CD96: variants seen among roughly 807,000 people sequenced by gnomAD.
CD96 encodes the protein T-cell surface protein tactile.
Under a neutral mutation model 71.3 loss-of-function variants are expected in CD96, and 70 were observed. The observed-to-expected ratio is 0.98, with a 90% CI of 0.81 to 1.20. CD96 has a LOEUF of 1.20. Ranked by LOEUF, CD96 falls within the 50% of genes most tolerant of loss-of-function variation. CD96 has a pLI of 0.00. For missense variants in CD96, 742 were observed against 677.5 expected (o/e 1.10, Z -1.06); for synonymous variants, 248 against 233.0 (o/e 1.06, Z -0.59).
intron 7 of CD96, among the ~76,000 whole-genome samples, chr3:111,604,318 A>G (rs1156731080): frequency 6.6e-6 from 1 of 152,158 alleles, no homozygotes; most frequent in African/African-American, 2.4e-5. Context: ...CTCTTATGAC[A>G]TTATGGTAAA....
chr3:111,545,383 C>A lies in CD96; in HGVS notation c.399C>A (p.Asn133Lys), dbSNP rs2107459774. 2 of 1,601,954 alleles carry A rather than the reference C, an allele frequency of 1.2e-6. No individual in the cohort carries two copies. The highest frequency in any genetic ancestry group is 1.7e-5 in the Admixed American group (1 of 60,008). The change falls in exon 2 of 14, where the codon AAC (asparagine) becomes AAA (lysine). Residue 133 changes from asparagine to lysine, a missense_variant. Physicochemically the swap from Asn to Lys is moderately conservative, Grantham distance 94. Transcript: ENST00000352690. ...AGGGCATTCAGACTAAAATCTACAA[C>A]CTTCTCATTCAGACACACGGTAAGC... Reference protein sequence around the residue: ...YPEGIQTKIYNLLIQTHVTAD... With the variant: ...YPEGIQTKIYKLLIQTHVTAD...
At chr3:111,579,646 A>G (rs758021763) in intron 4 of CD96, among the ~76,000 whole-genome samples, 1 of 152,142 alleles carries the variant, frequency 6.6e-6, no homozygotes. Flanking sequence ...ACGGTATCAC[A>G]TGGCGAGGGG....
downstream of CD96, among the ~76,000 whole-genome samples, chr3:111,654,623 A>G (rs1301354861): frequency 6.6e-6 from 1 of 152,142 alleles, no homozygotes; most frequent in Non-Finnish European, 1.5e-5. Flanking sequence ...TGGCATTGTG[A>G]TTGTGGGGAG....
intron 6 of CD96, 68 bp from the exon 7 acceptor site, chr3:111,600,658 C>A: frequency 2.6e-6 from 3 of 1,162,668 alleles, no homozygotes; most frequent in Non-Finnish European, 3.9e-6. Flanking sequence ...TCATGCCATG[C>A]CTTGGCATTA....
At chr3:111,609,744 C>T (rs1012864719) in intron 8 of CD96, among the ~76,000 whole-genome samples, 1 of 152,170 alleles carries the variant, frequency 6.6e-6, no homozygotes, top group East Asian at 1.9e-4. Flanking sequence ...CACACTAAGA[C>T]GATGTAGTTG....
chr3:111,558,910 G>T lies in CD96; in HGVS notation c.419-8613G>T, dbSNP rs1024141520. Among the ~76,000 whole-genome samples, 31 of 152,046 alleles carry T rather than the reference G, an allele frequency of 2.0e-4. No homozygotes were observed. In the South Asian group the frequency reaches 5.6e-3, roughly 28 times the overall value. On this transcript the variant is annotated intron_variant, in intron 2 of 13. Coordinates refer to ENST00000352690, the MANE Select transcript of CD96 (RefSeq NM_005816.5). ...TCCTGTTATTGGTCTATTCAGAGAT[G>T]CAACTTCTTCCTGGTTTAGTCTTGG...
chr3:111,657,780 G>T (rs530267051), intron 14 of CD96, among the ~76,000 whole-genome samples: 5 of 151,730 alleles, frequency 3.3e-5, no homozygotes, highest in African/African-American at 1.2e-4. Context: ...CAATATGTGT[G>T]TGTATATGTG....
intron 3 of CD96, 36 bp downstream of exon 3, chr3:111,567,683 G>A: frequency 2.5e-6 from 4 of 1,579,812 alleles, no homozygotes; most frequent in Non-Finnish European, 3.5e-6. Flanking sequence ...AACCTCAATG[G>A]TCTTTAAACA....
At position 111,579,073 on chromosome 3, in the gene CD96, T is replaced by A; in HGVS notation, c.590T>A (p.Ile197Asn). ...ACACTTATCTCCCAAAATCACCTCA[T>A]CAGCAATTCCACATTACTTAAAGAT... ...QETLISQNHL[I>N]SNSTLLKDRV... Residue 197 changes from isoleucine to asparagine, a missense_variant, in exon 4 of 14, where the codon ATC (isoleucine) becomes AAC (asparagine). Ile to Asn is a moderately radical substitution (Grantham distance 149, BLOSUM62 -3). Transcript: ENST00000352690. 6.2e-7 allele frequency: 1 copy of A among 1,610,390 alleles called. No homozygotes were observed. The highest frequency in any genetic ancestry group is 8.5e-7 in the Non-Finnish European group (1 of 1,176,542).
chr3:111,550,389 G>A (rs2173318), intron 2 of CD96, among the ~76,000 whole-genome samples: 59,029 of 151,800 alleles, frequency 0.39, 13,583 homozygotes, highest in Middle Eastern at 0.53. Flanking sequence ...TCAAATGCGG[G>A]ATTCTGTTGA....
At chr3:111,648,044 C>T (rs1476404463) in intron 13 of CD96, among the ~76,000 whole-genome samples, 3 of 152,224 alleles carry the variant, frequency 2.0e-5, no homozygotes, top group Admixed American at 6.5e-5. Flanking sequence ...CATAGATGCT[C>T]AAGTGTGAAA....
At chr3:111,656,163 T>TA (rs1940224973), downstream of CD96, among the ~76,000 whole-genome samples, 1 of 151,904 alleles carries the variant, frequency 6.6e-6, no homozygotes, top group Non-Finnish European at 1.5e-5. Flanking sequence ...ATATTGAGGA[T>TA]AAAAAACTGA....
intron 5 of CD96, among the ~76,000 whole-genome samples, chr3:111,585,813 GC>G: frequency 6.6e-6 from 1 of 152,104 alleles, no homozygotes; most frequent in East Asian, 1.9e-4. Context: ...GAGGAGATAT[GC>G]CCTCCTGTAC....
At chr3:111,627,706 GA>G (rs1938845016) in intron 10 of CD96, among the ~76,000 whole-genome samples, 1 of 152,162 alleles carries the variant, frequency 6.6e-6, no homozygotes, top group South Asian at 2.1e-4. Context: ...GACTGGGTGA[GA>G]TCTTCCAACT....
intron 2 of CD96, among the ~76,000 whole-genome samples, chr3:111,552,827 G>A (rs984464218): frequency 1.3e-5 from 2 of 152,040 alleles, no homozygotes; most frequent in South Asian, 2.1e-4. Context: ...ATGGTTTTAG[G>A]TGATTCATGA....
chr3:111,648,391 A>G (rs1056286590), intron 13 of CD96, among the ~76,000 whole-genome samples: 5 of 152,210 alleles, frequency 3.3e-5, no homozygotes, highest in African/African-American at 9.7e-5. Context: ...TACCTTTTGC[A>G]GAGTATCCTT....
chr3:111,561,787 G>A (rs1222081244), intron 2 of CD96, among the ~76,000 whole-genome samples: 3 of 150,380 alleles, frequency 2.0e-5, no homozygotes, highest in African/African-American at 4.9e-5. Flanking sequence ...CCTGGGCAAT[G>A]GCGGGCGCCC....
At chr3:111,571,501 A>T (rs2107560331) in intron 3 of CD96, among the ~76,000 whole-genome samples, 1 of 152,130 alleles carries the variant, frequency 6.6e-6, no homozygotes, top group Middle Eastern at 3.4e-3. Flanking sequence ...AAGGCCATGT[A>T]GACATTACCT....
chr3:111,613,057 G>A (rs748728262), intron 8 of CD96, among the ~76,000 whole-genome samples: 4 of 152,074 alleles, frequency 2.6e-5, no homozygotes, highest in Non-Finnish European at 2.9e-5. Flanking sequence ...TTCCACCTGG[G>A]GCACACAACA....
Sources: allele counts gnomAD v4.1 joint callset (sites outside exome capture counted in the v4.1 genomes callset), GRCh38; gene constraint gnomAD v4.1.1; transcripts MANE v1.5; gene names NCBI Gene and HGNC (gene_info 2026-07-23, HGNC 2026-07-21).